SLC8A1: variants seen among roughly 807,000 people sequenced by gnomAD.
SLC8A1 encodes the protein solute carrier family 8 member A1, also known as sodium/calcium exchanger 1.
A neutral mutation model predicts 68.3 loss-of-function variants in SLC8A1; 18 were observed. The observed-to-expected ratio is 0.26, with a 90% CI of 0.18 to 0.39. The LOEUF is 0.39. SLC8A1 is among the 10% of genes least tolerant of loss of function. The pLI is 1.00. For missense variants in SLC8A1, 985 were observed against 1,156.7 expected, an observed-to-expected ratio of 0.85 and a Z score of 2.15; for synonymous variants, 475 against 415.5, an observed-to-expected ratio of 1.14 and a Z score of -1.74.
intron 2 of SLC8A1, among the ~76,000 whole-genome samples, chr2:40,252,106 C>T (rs1253100534): frequency 6.6e-6 from 1 of 151,902 alleles, no homozygotes; most frequent in Non-Finnish European, 1.5e-5. Flanking sequence ...AATTATTTTC[C>T]CTCTTTTAAT....
chr2:40,139,715 G>T (rs751054874), intron 6 of SLC8A1, 39 bp from the exon 10 acceptor site: 2 of 1,586,762 alleles, frequency 1.3e-6, no homozygotes, highest in South Asian at 2.3e-5. Flanking sequence ...ATCACAACCT[G>T]TGTTGCCGGG....
Position 40,227,415 on chromosome 2 carries a change from C to T in SLC8A1, c.1809-49560G>A, listed in dbSNP as rs369010914. ...CATATGCAAATAACCACATCCTTTG[C>T]AGGGACACGGGATAGCTGGAGGCCA... On this transcript the variant is annotated intron_variant, in intron 2 of 7. Transcript: ENST00000406785. Among the ~76,000 whole-genome samples the T allele has an allele frequency of 2.0e-5, 3 of 152,134 alleles. No homozygotes were observed. The South Asian group carries it at 6.2e-4, about 32-fold the overall frequency.
chr2:40,152,385 C>CTT (rs372180043), intron 6 of SLC8A1, among the ~76,000 whole-genome samples: 1 of 152,160 alleles, frequency 6.6e-6, no homozygotes, highest in East Asian at 1.9e-4. Context: ...AGGCGTGAGA[C>CTT]TTGTAGTTTG....
intron 2 of SLC8A1, among the ~76,000 whole-genome samples, chr2:40,218,317 G>A (rs1405276397): frequency 6.6e-6 from 1 of 152,086 alleles, no homozygotes; most frequent in Non-Finnish European, 1.5e-5. Flanking sequence ...TTACTGTATT[G>A]TGAAGAAGGG....
chr2:40,460,137 T>A (rs1239359988), intron 1 of SLC8A1, among the ~76,000 whole-genome samples: 5 of 152,218 alleles, frequency 3.3e-5, no homozygotes, highest in Admixed American at 3.3e-4. Context: ...TTGAAATGAA[T>A]GATATCAGAT....
At chr2:40,496,580 G>T (rs938007471) in intron 1 of SLC8A1, among the ~76,000 whole-genome samples, 24 of 151,904 alleles carry the variant, frequency 1.6e-4, no homozygotes, top group Admixed American at 1.2e-3. Context: ...TACAAGCAGG[G>T]TATTCAATTA....
intron 2 of SLC8A1, among the ~76,000 whole-genome samples, chr2:40,333,015 GTCT>G (rs1185110323): frequency 6.6e-6 from 1 of 152,160 alleles, no homozygotes; most frequent in Non-Finnish European, 1.5e-5. Flanking sequence ...CTCTTCCTTA[GTCT>G]TCTTTTTTAA....
intron 2 of SLC8A1, among the ~76,000 whole-genome samples, chr2:40,228,978 C>A (rs769283078): frequency 1.1e-4 from 16 of 152,088 alleles, no homozygotes; most frequent in Non-Finnish European, 2.1e-4. Context: ...CAAGCATAAT[C>A]TTTTCATATA....
At chr2:40,363,337 G>GGATGATGAT (rs78021253) in intron 2 of SLC8A1, among the ~76,000 whole-genome samples, 2 of 150,970 alleles carry the variant, frequency 1.3e-5, no homozygotes, top group South Asian at 2.1e-4. Context: ...ACCACTGCAG[G>GGATGATGAT]GATGATGATG....
At chr2:40,124,401 A>T (rs953223561) in intron 7 of SLC8A1, among the ~76,000 whole-genome samples, 1 of 152,354 alleles carries the variant, frequency 6.6e-6, no homozygotes, top group East Asian at 1.9e-4. Flanking sequence ...AAATATGAAC[A>T]CTATTAAAAG....
intron 1 of SLC8A1, among the ~76,000 whole-genome samples, chr2:40,450,429 T>C (rs1167272585): frequency 6.6e-6 from 1 of 152,060 alleles, no homozygotes; most frequent in Non-Finnish European, 1.5e-5. Flanking sequence ...AATTCTCTCC[T>C]GGTGGCTCCC....
intron 2 of SLC8A1, among the ~76,000 whole-genome samples, chr2:40,284,128 T>G (rs1001659474): frequency 6.6e-6 from 1 of 152,018 alleles, no homozygotes; most frequent in Non-Finnish European, 1.5e-5. Flanking sequence ...TTACATTGTT[T>G]CCATTTTCTC....
intron 7 of SLC8A1, among the ~76,000 whole-genome samples, chr2:40,133,625 A>G (rs901008636): frequency 2.0e-5 from 3 of 151,808 alleles, no homozygotes; most frequent in Non-Finnish European, 2.9e-5. Flanking sequence ...CTAGTGGGAG[A>G]AGTCAGCAAG....
chr2:40,150,357 T>A (rs952365952), intron 6 of SLC8A1, among the ~76,000 whole-genome samples: 2 of 151,906 alleles, frequency 1.3e-5, no homozygotes, highest in Non-Finnish European at 1.5e-5. Context: ...CTATGGAGAG[T>A]GTTTGTGTGT....
intron 2 of SLC8A1, among the ~76,000 whole-genome samples, chr2:40,406,196 C>A (rs929944061): frequency 6.6e-6 from 1 of 152,168 alleles, no homozygotes; most frequent in Non-Finnish European, 1.5e-5. Flanking sequence ...AAAATTTAAA[C>A]ATATATGCCA....
chr2:40,237,959 C>T (rs11895555), intron 2 of SLC8A1, among the ~76,000 whole-genome samples: 17,847 of 151,526 alleles, frequency 0.12, 1,130 homozygotes, highest in Non-Finnish European at 0.13. Flanking sequence ...GCAGTCTGCC[C>T]GTTCTCAGAT....
At chr2:40,465,737 C>A (rs13020531) in intron 1 of SLC8A1, among the ~76,000 whole-genome samples, 13,635 of 152,000 alleles carry the variant, frequency 0.09, 1,032 homozygotes, top group East Asian at 0.34. Flanking sequence ...TTTTTTTATA[C>A]AAGGAGTACT....
rs71404280 is a variant in SLC8A1 at position 40,156,360 on chromosome 2, GT to G, written c.2161+4404del. 6.7e-3 allele frequency among the ~76,000 whole-genome samples: 939 copies of G among 140,712 alleles called. 5 individuals carry two copies. The highest frequency in any genetic ancestry group is 9.7e-3 in the Non-Finnish European group (629 of 64,514). The allele number at this position is 140,712 out of a possible 152,430, so 92.3% of individuals were successfully genotyped here. A position where few individuals can be genotyped will look rare whatever the true frequency, so the allele number is the denominator to read the frequency against. On this transcript the variant is annotated intron_variant, in intron 6 of 7. Coordinates refer to ENST00000406785, the Ensembl canonical transcript of SLC8A1. ...AAGAGACAGAACCAAAACTGCTGGA[GT>G]TTTTTTTTTTTTGAGTCACTTTTGA...
intron 2 of SLC8A1, among the ~76,000 whole-genome samples, chr2:40,387,597 T>G (rs1193128434): frequency 2.0e-5 from 3 of 151,362 alleles, no homozygotes; most frequent in Non-Finnish European, 4.4e-5. Context: ...TAATAAACTA[T>G]CTATGCTAAT....
Sources: gnomAD v4.1 joint callset for allele counts (sites outside exome capture counted in the v4.1 genomes callset) on GRCh38, gnomAD v4.1.1 for gene constraint, MANE v1.5 for transcripts, NCBI Gene and HGNC (gene_info 2026-07-23, HGNC 2026-07-21) for gene names.